TUSC3: variants seen among roughly 807,000 people sequenced by gnomAD.
TUSC3 encodes tumor suppressor candidate 3, also known as dolichyl-diphosphooligosaccharide--protein glycosyltransferase subunit TUSC3.
A neutral mutation model predicts 44.8 loss-of-function variants in TUSC3; 45 were observed. That is an observed-to-expected ratio of 1.00 (90% CI 0.79 to 1.29). The LOEUF (loss-of-function observed/expected upper bound fraction) is 1.29. TUSC3 is among the 50% of genes most tolerant of loss of function. TUSC3 has a pLI of 0.00. For missense variants in TUSC3, 519 were observed against 437.9 expected, an observed-to-expected ratio of 1.19 and a Z score of -1.65; for synonymous variants, 212 against 152.9, an observed-to-expected ratio of 1.39 and a Z score of -2.85.
At chr8:15,556,008 A>G (rs950759035) in intron 1 of TUSC3, among the ~76,000 whole-genome samples, 1 of 148,380 alleles carries the variant, frequency 6.7e-6, no homozygotes, top group Non-Finnish European at 1.5e-5. Context: ...TTTATTTTTT[A>G]TTTTTTTTTT....
At chr8:15,820,491 T>C in the TUSC3 span, among the ~76,000 whole-genome samples, 17 of 152,150 alleles carry the variant, frequency 1.1e-4, no homozygotes, top group African/African-American at 4.1e-4. Context: ...AGCTAATTTT[T>C]GTATTTTTAG....
chr8:15,515,750 C>G (rs1040746535), intron 2 of TUSC3, among the ~76,000 whole-genome samples: 16 of 152,110 alleles, frequency 1.1e-4, no homozygotes, highest in African/African-American at 3.4e-4. Context: ...CCACTGCAAC[C>G]TCTCCCTCCC....
At chr8:15,661,211 T>A (rs756973792) in intron 4 of TUSC3, among the ~76,000 whole-genome samples, 2 of 152,022 alleles carry the variant, frequency 1.3e-5, no homozygotes, top group African/African-American at 4.8e-5. Context: ...CATAATACTT[T>A]TATTTGAGCT....
downstream of TUSC3, among the ~76,000 whole-genome samples, chr8:15,768,990 G>C (rs750132937): frequency 6.6e-6 from 1 of 152,064 alleles, no homozygotes; most frequent in South Asian, 2.1e-4. Context: ...CGTGAAAATG[G>C]CCGTACCGCC....
At chr8:15,769,998 AGT>A (rs769292066), downstream of TUSC3, among the ~76,000 whole-genome samples, 4 of 152,200 alleles carry the variant, frequency 2.6e-5, no homozygotes, top group Admixed American at 6.5e-5. Flanking sequence ...TGTGGAAGAC[AGT>A]GTGGTGATTC....
At chr8:15,748,512 A>C in intron 9 of TUSC3, 47 bp downstream of exon 9, 1 of 1,439,744 alleles carries the variant, frequency 6.9e-7, no homozygotes, top group Non-Finnish European at 9.8e-7. Context: ...TAACTAATAG[A>C]ACAGAGTTTC....
At chr8:15,590,510 T>C (rs1803782258) in intron 1 of TUSC3, among the ~76,000 whole-genome samples, 1 of 152,118 alleles carries the variant, frequency 6.6e-6, no homozygotes, top group Non-Finnish European at 1.5e-5. Flanking sequence ...CCCATTAACA[T>C]TTAATTTTTG....
chr8:15,418,050 C>G (rs556005928), intron 1 of TUSC3, among the ~76,000 whole-genome samples: 1 of 152,124 alleles, frequency 6.6e-6, no homozygotes. Flanking sequence ...TAGACAGTTA[C>G]GAGAATTTCA....
At chr8:15,441,178 A>T (rs867212261) in intron 1 of TUSC3, among the ~76,000 whole-genome samples, 11 of 152,238 alleles carry the variant, frequency 7.2e-5, no homozygotes, top group South Asian at 2.1e-4. Context: ...AGGCTGAGAC[A>T]GGTGGATCGC....
chr8:15,745,513 G>T (rs896079788), intron 8 of TUSC3, among the ~76,000 whole-genome samples: 2 of 151,890 alleles, frequency 1.3e-5, no homozygotes, highest in Middle Eastern at 3.2e-3. Flanking sequence ...GAGTGAGATG[G>T]TATCTCATTG....
At chr8:15,550,398 A>G (rs576763119) in intron 1 of TUSC3, among the ~76,000 whole-genome samples, 1 of 151,772 alleles carries the variant, frequency 6.6e-6, no homozygotes, top group Admixed American at 6.6e-5. Flanking sequence ...GTAACTGTAG[A>G]ATGTGATTTT....
At chr8:15,507,708 C>G (rs192715821) in intron 2 of TUSC3, among the ~76,000 whole-genome samples, 63 of 151,970 alleles carry the variant, frequency 4.1e-4, no homozygotes, top group African/African-American at 1.4e-3. Flanking sequence ...GTATTGAGAA[C>G]TTGATAGGTA....
In TUSC3 at chr8:15,760,947, C is replaced by G. The variant is rs188131988; in HGVS notation, c.*46+3092C>G. Among the ~76,000 whole-genome samples the G allele has an allele frequency of 1.4e-4, 21 of 152,268 alleles. No homozygotes were observed. The East Asian group carries it at 3.9e-3, about 28-fold the overall frequency. On this transcript the variant is annotated intron_variant, in intron 10 of 10. Coordinates refer to ENST00000503731, the MANE Select transcript of TUSC3 (RefSeq NM_006765.4). ...TCAGTTCTTGTAACACCGTCATCATCTCAAATATGTCACTGTATCATACTT... is the reference window on the plus strand; with the variant it reads ...TCAGTTCTTGTAACACCGTCATCATGTCAAATATGTCACTGTATCATACTT...
intron 2 of TUSC3, among the ~76,000 whole-genome samples, chr8:15,644,046 A>G (rs972031273): frequency 2.0e-5 from 3 of 152,240 alleles, no homozygotes; most frequent in African/African-American, 7.2e-5. Flanking sequence ...TTCTTAAAAC[A>G]TCTCTTTAAA....
At chr8:15,474,151 A>G (rs529768410) in intron 1 of TUSC3, among the ~76,000 whole-genome samples, 7 of 152,334 alleles carry the variant, frequency 4.6e-5, no homozygotes, top group Non-Finnish European at 1.0e-4. Flanking sequence ...TGCACGAAGA[A>G]AAATATGGCT....
In TUSC3 at chr8:15,758,782, T is replaced by A. The variant is rs552309465; in HGVS notation, c.*46+927T>A. Among the ~76,000 whole-genome samples the A allele has an allele frequency of 3.3e-5, 5 of 152,282 alleles. No homozygotes were observed. In the South Asian group the frequency reaches 1.0e-3, roughly 32 times the overall value. Reference sequence around the variant, plus strand: ...TGTTAAATGTGGTTAACACTTTACATAGGCCTCTCTGTGGAGGCTGTGTAG... The same window carrying A: ...TGTTAAATGTGGTTAACACTTTACAAAGGCCTCTCTGTGGAGGCTGTGTAG... On this transcript the variant is annotated intron_variant, in intron 10 of 10. Transcript: ENST00000503731.
the TUSC3 span, among the ~76,000 whole-genome samples, chr8:15,843,621 T>TATATATATATATATATATATATAC: frequency 1.1e-4 from 16 of 146,764 alleles, no homozygotes; most frequent in African/African-American, 4.2e-4. Flanking sequence ...TATATATATA[T>TATATATATATATATATATATATAC]ACACGCACAT....
At chr8:15,617,847 T>C (rs1050312714) in intron 1 of TUSC3, among the ~76,000 whole-genome samples, 2 of 152,164 alleles carry the variant, frequency 1.3e-5, no homozygotes, top group East Asian at 3.8e-4. Context: ...ACCATTTTTG[T>C]GTTGTCTACT....
At chr8:15,621,779 T>G (rs991512113) in intron 1 of TUSC3, among the ~76,000 whole-genome samples, 1 of 141,056 alleles carries the variant, frequency 7.1e-6, no homozygotes, top group Non-Finnish European at 1.6e-5. Flanking sequence ...ATTGGGTCTT[T>G]TAAAAAAAAA....
Sources: allele counts gnomAD v4.1 joint callset (sites outside exome capture counted in the v4.1 genomes callset), GRCh38; gene constraint gnomAD v4.1.1; transcripts MANE v1.5; gene names NCBI Gene and HGNC (gene_info 2026-07-23, HGNC 2026-07-21).